The following RYR2 variants were observed in gnomAD, a reference collection of about 807,000 sequenced individuals.
RYR2 encodes ryanodine receptor 2, also known as cardiac muscle ryanodine receptor-calcium release channel.
A neutral mutation model predicts 601.1 loss-of-function variants in RYR2; 227 were observed. The ratio of observed to expected loss-of-function variants is 0.38; its 90% CI spans 0.34 to 0.42. The LOEUF (loss-of-function observed/expected upper bound fraction) is 0.42, where lower values mean the gene tolerates loss of function less well. Among genes scored for constraint, RYR2 ranks in the 10% least tolerant of loss-of-function variants. RYR2 has a pLI of 1.00. For synonymous variants in RYR2, 2,223 were observed against 2,175.1 expected, an observed-to-expected ratio of 1.02 and a Z score of -0.61; for missense variants, 4,646 against 6,156.5, an observed-to-expected ratio of 0.75 and a Z score of 8.21.
intron 1 of RYR2, among the ~76,000 whole-genome samples, chr1:237,224,676 A>G (rs1454772128): frequency 1.3e-5 from 2 of 152,106 alleles, no homozygotes; most frequent in South Asian, 2.1e-4. Context: ...TGTGCAACAT[A>G]GTGAGATTCC....
chr1:237,788,604 T>C (rs981276937), intron 92 of RYR2, among the ~76,000 whole-genome samples: 10 of 152,300 alleles, frequency 6.6e-5, no homozygotes, highest in African/African-American at 2.4e-4. Flanking sequence ...ATAGTCAGTA[T>C]TTCTATAACA....
At chr1:237,645,782 TTG>T (rs368945111) in intron 48 of RYR2, among the ~76,000 whole-genome samples, 6 of 152,300 alleles carry the variant, frequency 3.9e-5, no homozygotes, top group Admixed American at 3.9e-4. Context: ...TCACAGTGGT[TTG>T]TGTGTGTGTT....
At chr1:237,140,455 T>C (rs1489531208) in intron 1 of RYR2, among the ~76,000 whole-genome samples, 1 of 152,200 alleles carries the variant, frequency 6.6e-6, no homozygotes, top group Non-Finnish European at 1.5e-5. Flanking sequence ...AATTCTCTCT[T>C]GCAGAACACA....
chr1:237,263,118 A>C (rs763141212), intron 1 of RYR2, among the ~76,000 whole-genome samples: 2 of 152,180 alleles, frequency 1.3e-5, no homozygotes, highest in East Asian at 1.9e-4. Flanking sequence ...CACAGCAATA[A>C]TAGACAGGAT....
chr1:237,118,924 G>C (rs1478696747), intron 1 of RYR2, among the ~76,000 whole-genome samples: 1 of 151,618 alleles, frequency 6.6e-6, no homozygotes, highest in East Asian at 1.9e-4. Flanking sequence ...ACGTGAAAAA[G>C]GAAAAACCCC....
chr1:237,809,003 A>G lies in RYR2; in HGVS notation c.14401A>G (p.Thr4801Ala). 3 of 1,613,582 alleles carry G rather than the reference A, an allele frequency of 1.9e-6. No homozygotes were observed. Among genetic ancestry groups the G allele is most frequent in the Non-Finnish European group, 2.5e-6 (3 of 1,179,516 alleles). The change falls in exon 100 of 105, where the codon ACA (threonine) becomes GCA (alanine). Residue 4801 changes from threonine to alanine, a missense_variant. Thr to Ala is a moderately conservative substitution (Grantham distance 58, BLOSUM62 0). Coordinates refer to ENST00000366574, the MANE Select transcript of RYR2 (RefSeq NM_001035.3). ...CTACAATAAAAGTGAAGATGGTGAT[A>G]CACCAGATATGAAATGTGACGATAT... ...KFYNKSEDGD[T>A]PDMKCDDMLT...
intron 1 of RYR2, among the ~76,000 whole-genome samples, chr1:237,202,142 A>G (rs573378907): frequency 6.6e-6 from 1 of 152,362 alleles, no homozygotes; most frequent in East Asian, 1.9e-4. Flanking sequence ...TTATCCTAAC[A>G]CCATTAAAAT....
rs1233536742 is a variant in RYR2, at chr1:237,717,325, G to A, written c.10451G>A (p.Gly3484Glu). Residue 3484 changes from glycine (G) to glutamate (E), a missense_variant, in exon 72 of 105, where the codon GGG (glycine) becomes GAG (glutamate). By Grantham distance (98) the Gly-to-Glu change is moderately conservative (BLOSUM62 -2). Transcript: ENST00000366574. Reference sequence around the variant, plus strand: ...ATTGGGTTGAACATCTGTGCCCCTGGGGACCAGGAGCTCATTGCTCTGGCC... The same window carrying A: ...ATTGGGTTGAACATCTGTGCCCCTGAGGACCAGGAGCTCATTGCTCTGGCC... ...LPIGLNICAPGDQELIALAKN... is the reference protein window; with the variant it reads ...LPIGLNICAPEDQELIALAKN... 2 of 1,611,452 alleles carry A rather than the reference G, an allele frequency of 1.2e-6. No individual in the cohort carries two copies. Among genetic ancestry groups the A allele is most frequent in the Non-Finnish European group, 1.7e-6 (2 of 1,178,312 alleles).
chr1:237,189,550 T>G (rs1679737715), intron 1 of RYR2, among the ~76,000 whole-genome samples: 1 of 152,100 alleles, frequency 6.6e-6, no homozygotes, highest in African/African-American at 2.4e-5. Context: ...TGCTCATGAA[T>G]GGGATATAGT....
At chr1:237,814,653 A>G (rs935258841) in intron 100 of RYR2, among the ~76,000 whole-genome samples, 1 of 151,972 alleles carries the variant, frequency 6.6e-6, no homozygotes, top group East Asian at 1.9e-4. Flanking sequence ...AGAATGTAGG[A>G]GGAGAAAGAG....
intron 29 of RYR2, among the ~76,000 whole-genome samples, chr1:237,585,378 C>T (rs1421947849): frequency 3.3e-5 from 5 of 152,090 alleles, no homozygotes; most frequent in Non-Finnish European, 5.9e-5. Flanking sequence ...GATGAAACAT[C>T]AGGAAACATT....
chr1:237,559,461 G>T (rs915210501), intron 27 of RYR2, among the ~76,000 whole-genome samples: 1 of 152,164 alleles, frequency 6.6e-6, no homozygotes, highest in Non-Finnish European at 1.5e-5. Context: ...GATCAGGCTG[G>T]TCTCGAACTC....
Position 237,491,798 on chromosome 1 carries a change from A to C in RYR2, c.1709-8A>C, listed in dbSNP as rs1572569139. The stretch of plus-strand genomic sequence containing the variant: ...GTTTTTTTTCCTCTTTCTTTGTTTT[A>C]TCTTTAGGCATTCTGGAAGTTTTAC... On this transcript the variant is annotated splice_polypyrimidine_tract_variant and splice_region_variant and intron_variant, in intron 17 of 104. Transcript: ENST00000366574. The C allele has an allele frequency of 7.7e-7, 1 of 1,292,460 alleles. No individual in the cohort carries two copies. Among genetic ancestry groups the C allele is most frequent in the African/African-American group, 1.5e-5 (1 of 67,600 alleles). The allele number at this position is 1,292,460 out of a possible 1,614,324, so 80.1% of individuals were successfully genotyped here.
intron 19 of RYR2, among the ~76,000 whole-genome samples, chr1:237,495,096 T>C (rs1183284605): frequency 1.3e-5 from 2 of 152,142 alleles, no homozygotes; most frequent in African/African-American, 4.8e-5. Context: ...GCTAATGTGT[T>C]TTTTAAAAAT....
Position 237,469,173 on chromosome 1 carries a change from T to A in RYR2, c.1694T>A (p.Leu565Gln), listed in dbSNP as rs1660409512. The change falls in exon 17 of 105, where the codon CTG becomes CAG. Residue 565 changes from leucine (L) to glutamine (Q), a missense_variant. By Grantham distance (113) the Leu-to-Gln change is moderately radical. Around this residue, in one of 17 missense-constraint regions of RYR2, gnomAD observed 1,807 missense variants for 2,088.1 expected, o/e 0.87. Coordinates refer to ENST00000366574, the MANE Select transcript of RYR2 (RefSeq NM_001035.3). ...TGGTTGATCAGCAGATTGGAAAGAC[T>A]GGAAGCTTCTTCAGGTATGTTTTCT... The part of the protein sequence containing the change: ...LDWLISRLER[L>Q]EASSGILEVL... 1.2e-6 allele frequency: 2 copies of A among 1,602,376 alleles called. No individual in the cohort carries two copies. The highest frequency in any genetic ancestry group is 1.7e-6 in the Non-Finnish European group (2 of 1,174,264).
At chr1:237,604,039 T>C (rs1360589592) in intron 35 of RYR2, among the ~76,000 whole-genome samples, 1 of 151,946 alleles carries the variant, frequency 6.6e-6, no homozygotes, top group Non-Finnish European at 1.5e-5. Flanking sequence ...CAAGGATATC[T>C]AGGAATTGAA....
chr1:237,790,116 C>T (rs540426793), intron 92 of RYR2, among the ~76,000 whole-genome samples: 1 of 152,176 alleles, frequency 6.6e-6, no homozygotes, highest in African/African-American at 2.4e-5. Context: ...ACATCTCCCA[C>T]TTAATATTAA....
intron 27 of RYR2, among the ~76,000 whole-genome samples, chr1:237,566,087 T>C (rs533669782): frequency 2.0e-5 from 3 of 152,320 alleles, no homozygotes; most frequent in South Asian, 2.1e-4. Flanking sequence ...ATTGTTACTT[T>C]TCTCCACTGT....
At chr1:237,270,361 G>A (rs1163610057) in intron 1 of RYR2, 136 bp from the exon 2 acceptor site, 4 of 1,279,264 alleles carry the variant, frequency 3.1e-6, no homozygotes, top group Non-Finnish European at 4.4e-6. Flanking sequence ...TCTTTTGGTT[G>A]TTTTTTTGAC....
Sources: allele counts gnomAD v4.1 joint callset (sites outside exome capture counted in the v4.1 genomes callset), GRCh38; gene constraint gnomAD v4.1.1; regional missense constraint gnomAD v4.1.1; transcripts MANE v1.5; gene names NCBI Gene and HGNC (gene_info 2026-07-23, HGNC 2026-07-21).